WWC1: variants seen among roughly 807,000 people sequenced by gnomAD.
WWC1 encodes the protein protein KIBRA.
WWC1 carries 55 observed loss-of-function variants against 138.4 expected under a neutral mutation model. The observed-to-expected ratio is 0.40, with a 90% CI of 0.32 to 0.50. The LOEUF is 0.50. Among genes scored for constraint, WWC1 ranks in the 20% least tolerant of loss-of-function variants. WWC1 has a pLI of 0.72. For missense variants in WWC1, 1,226 were observed against 1,420.4 expected (o/e 0.86, Z 2.20); for synonymous variants, 524 against 564.9 (o/e 0.93, Z 1.03).
Position 168,460,643 on chromosome 5 carries a change from C to G in WWC1, c.2824-7C>G, listed in dbSNP as rs758916565. The stretch of plus-strand genomic sequence containing the variant: ...ATGTTTAAGATTCCATGACTTTTCT[C>G]TTGCAGCTGAATCGGAGTGATAGTG... On this transcript the variant is annotated splice_polypyrimidine_tract_variant and splice_region_variant and intron_variant, in intron 19 of 22. Coordinates refer to ENST00000265293, the MANE Select transcript of WWC1 (RefSeq NM_015238.3). 1.1e-5 allele frequency: 18 copies of G among 1,613,622 alleles called. No individual in the cohort carries two copies. In the South Asian group the frequency reaches 1.9e-4, roughly 17 times the overall value.
intron 21 of WWC1, among the ~76,000 whole-genome samples, chr5:168,466,007 C>T (rs1368758191): frequency 6.6e-6 from 1 of 152,144 alleles, no homozygotes; most frequent in Non-Finnish European, 1.5e-5. Flanking sequence ...GGTTAGGTAG[C>T]TCTGCAGCAC....
intron 1 of WWC1, among the ~76,000 whole-genome samples, chr5:168,337,880 A>G (rs563156682): frequency 7.2e-5 from 11 of 152,306 alleles, no homozygotes; most frequent in African/African-American, 2.2e-4. Context: ...AGAGGATGGC[A>G]TTCCTGGCAT....
chr5:168,349,255 T>C (rs1441718675), intron 1 of WWC1, among the ~76,000 whole-genome samples: 1 of 152,140 alleles, frequency 6.6e-6, no homozygotes, highest in Non-Finnish European at 1.5e-5. Flanking sequence ...TGTAGGCCTC[T>C]TGGGCACGTG....
At chr5:168,409,852 A>G in intron 7 of WWC1, 70 bp from the exon 8 acceptor site, 1 of 1,507,662 alleles carries the variant, frequency 6.6e-7, no homozygotes, top group African/African-American at 1.4e-5. Context: ...GTCTCTCATG[A>G]GCCCTCGAAA....
At chr5:168,357,436 G>T (rs939928865) in intron 1 of WWC1, among the ~76,000 whole-genome samples, 1 of 147,280 alleles carries the variant, frequency 6.8e-6, no homozygotes, top group Non-Finnish European at 1.5e-5. Context: ...ATCTGGAGTG[G>T]CAACCTGCCT....
intron 2 of WWC1, among the ~76,000 whole-genome samples, chr5:168,378,103 GA>G (rs546683441): frequency 1.3e-5 from 2 of 152,234 alleles, no homozygotes; most frequent in East Asian, 3.9e-4. Context: ...TCATTAAAAA[GA>G]AAAAATCATG....
intron 11 of WWC1, among the ~76,000 whole-genome samples, chr5:168,426,368 C>T (rs372020359): frequency 4.1e-4 from 62 of 152,250 alleles, no homozygotes; most frequent in African/African-American, 1.5e-3. Context: ...ACTCAGACCC[C>T]AGCTATGTCC....
intron 21 of WWC1, 178 bp from the exon 22 acceptor site, chr5:168,467,662 T>G: frequency 1.1e-6 from 1 of 902,214 alleles, no homozygotes. Context: ...AAAAATCTAG[T>G]CACTCAAACA....
At chr5:168,415,403 A>C (rs1417930111) in intron 9 of WWC1, 1 of 152,172 alleles carries the variant, frequency 6.6e-6, no homozygotes, top group African/African-American at 2.4e-5. Context: ...ATAACCTAAA[A>C]GCCACCGGTT....
chr5:168,458,563 C>T (rs1212924931), intron 19 of WWC1, among the ~76,000 whole-genome samples: 1 of 152,172 alleles, frequency 6.6e-6, no homozygotes, highest in Non-Finnish European at 1.5e-5. Context: ...CTTCCTACAG[C>T]TCTCCTCAGC....
At position 168,425,559 on chromosome 5, in the gene WWC1, C is replaced by A. The variant is rs369078303; in HGVS notation, c.1810+1491C>A. On this transcript the variant is annotated intron_variant, in intron 11 of 22. Transcript: ENST00000265293. ...CCAGGCTGGAGTGCAGTGGCACCAT[C>A]TGGCTCACTGCAACCTCCACCTCCT... Among the ~76,000 whole-genome samples the A allele has an allele frequency of 6.1e-5, 9 of 148,164 alleles. No homozygotes were observed. The East Asian group carries it at 1.8e-3, about 30-fold the overall frequency.
chr5:168,394,978 C>T (rs561424935), intron 3 of WWC1, among the ~76,000 whole-genome samples: 3 of 152,326 alleles, frequency 2.0e-5, no homozygotes, highest in Admixed American at 1.3e-4. Context: ...AAAAATTGTG[C>T]ACTTCACAGT....
intron 17 of WWC1, among the ~76,000 whole-genome samples, chr5:168,448,800 TA>T (rs1169715757): frequency 2.6e-5 from 4 of 152,008 alleles, no homozygotes; most frequent in African/African-American, 9.7e-5. Context: ...TTGTGTTTTT[TA>T]GTAGAGATGG....
chr5:168,305,827 T>G (rs1036804183), intron 1 of WWC1, among the ~76,000 whole-genome samples: 2 of 152,180 alleles, frequency 1.3e-5, no homozygotes, highest in African/African-American at 4.8e-5. Context: ...TCTGGTTTAC[T>G]TGGTCTGTGG....
At chr5:168,300,386 G>A (rs1322712842) in intron 1 of WWC1, among the ~76,000 whole-genome samples, 1 of 151,934 alleles carries the variant, frequency 6.6e-6, no homozygotes, top group Non-Finnish European at 1.5e-5. Flanking sequence ...AGCAGAGAGT[G>A]GGGAGGAGGG....
At chr5:168,437,118 C>T (rs915989307) in intron 15 of WWC1, among the ~76,000 whole-genome samples, 5 of 152,166 alleles carry the variant, frequency 3.3e-5, no homozygotes, top group Non-Finnish European at 5.9e-5. Flanking sequence ...TTTGCACTTG[C>T]TGTGTCCTCT....
At chr5:168,303,156 A>G (rs1234698915) in intron 1 of WWC1, among the ~76,000 whole-genome samples, 1 of 152,224 alleles carries the variant, frequency 6.6e-6, no homozygotes, top group African/African-American at 2.4e-5. Flanking sequence ...CCCTATGCTA[A>G]GAGGGCTAAA....
At chr5:168,293,160 A>T (rs1769219475) in intron 1 of WWC1, among the ~76,000 whole-genome samples, 1 of 152,130 alleles carries the variant, frequency 6.6e-6, no homozygotes, top group Non-Finnish European at 1.5e-5. Context: ...ACCTCTCCAG[A>T]CTTTCTCCTG....
At chr5:168,429,180 G>T (rs1475057615) in intron 13 of WWC1, among the ~76,000 whole-genome samples, 1 of 151,936 alleles carries the variant, frequency 6.6e-6, no homozygotes, top group African/African-American at 2.4e-5. Context: ...ATCACTGGGG[G>T]CTGCAGCCCA....
Sources: gnomAD v4.1 joint callset for allele counts (sites outside exome capture counted in the v4.1 genomes callset) on GRCh38, gnomAD v4.1.1 for gene constraint, MANE v1.5 for transcripts, NCBI Gene and HGNC (gene_info 2026-07-23, HGNC 2026-07-21) for gene names.